Variants in RUNX1T1 observed in about 807,000 individuals in gnomAD.
RUNX1T1 encodes protein CBFA2T1.
Under a neutral mutation model 62.8 loss-of-function variants are expected in RUNX1T1, and 4 were observed. That is an observed-to-expected ratio of 0.06 (90% CI 0.03 to 0.15). The LOEUF is 0.15. RUNX1T1 is among the 10% of genes least tolerant of loss of function. RUNX1T1 has a pLI of 1.00. For synonymous variants in RUNX1T1, 291 were observed against 286.0 expected (o/e 1.02, Z -0.18); for missense variants, 508 against 754.3 (o/e 0.67, Z 3.82).
At chr8:91,996,282 A>C (rs1818658893) in intron 5 of RUNX1T1, among the ~76,000 whole-genome samples, 1 of 151,816 alleles carries the variant, frequency 6.6e-6, no homozygotes, top group Non-Finnish European at 1.5e-5. Context: ...GCTCACTGCA[A>C]GCTCCACCTC....
intron 1 of RUNX1T1, among the ~76,000 whole-genome samples, chr8:92,052,656 T>C (rs1214915523): frequency 6.6e-6 from 1 of 152,216 alleles, no homozygotes; most frequent in Non-Finnish European, 1.5e-5. Context: ...CACTTGAATA[T>C]GCTTAAGAAT....
intron 6 of RUNX1T1, among the ~76,000 whole-genome samples, chr8:91,991,209 A>AT (rs35486685): frequency 0.26 from 40,156 of 152,034 alleles, 6,032 homozygotes; most frequent in African/African-American, 0.41. Context: ...GGCTCAAAAA[A>AT]ATCAAAATAA....
upstream of RUNX1T1, among the ~76,000 whole-genome samples, chr8:92,066,739 TTGTC>T (rs759558754): frequency 6.6e-6 from 1 of 152,210 alleles, no homozygotes; most frequent in African/African-American, 2.4e-5. Flanking sequence ...CAATTATACT[TTGTC>T]TGCAAAAAAA....
intron 1 of RUNX1T1, among the ~76,000 whole-genome samples, chr8:92,050,421 T>A (rs1830054811): frequency 6.6e-6 from 1 of 152,170 alleles, no homozygotes; most frequent in Non-Finnish European, 1.5e-5. Flanking sequence ...TTTATTATGA[T>A]CCCTATGTCA....
chr8:92,052,057 G>C (rs1830333050), intron 1 of RUNX1T1, among the ~76,000 whole-genome samples: 1 of 152,114 alleles, frequency 6.6e-6, no homozygotes, highest in South Asian at 2.1e-4. Context: ...CACAAAGCGT[G>C]TCAGACTACA....
rs576821785 is a variant in RUNX1T1 at position 92,091,379 on chromosome 8, T to C, written c.-86+8201A>G. 2.6e-4 allele frequency among the ~76,000 whole-genome samples: 39 copies of C among 152,346 alleles called. No homozygotes were observed. In the South Asian group the frequency reaches 6.6e-3, roughly 26 times the overall value. On this transcript the variant is annotated intron_variant, in intron 1 of 11. Coordinates refer to the RUNX1T1 transcript ENST00000265814. ...AAAATATTAGTAGTTGTAGGCAACA[T>C]TGACAGTTTTAAGCTCTTTCAAACA...
At chr8:92,069,277 T>C (rs1000154925) in intron 2 of RUNX1T1, among the ~76,000 whole-genome samples, 3 of 152,192 alleles carry the variant, frequency 2.0e-5, no homozygotes, top group African/African-American at 7.2e-5. Flanking sequence ...TTAAACTATT[T>C]TACACAGCAA....
downstream of RUNX1T1, chr8:91,956,053 G>A (rs1376331722): frequency 8.7e-6 from 2 of 229,842 alleles, no homozygotes; most frequent in African/African-American, 4.4e-5. Flanking sequence ...TCTGCCATTC[G>A]GGTATGCACA....
chr8:91,959,169 A>G (rs2130379718), exon 11 of RUNX1T1: 1 of 191,976 alleles, frequency 5.2e-6, no homozygotes, highest in Admixed American at 6.8e-5. Context: ...CACCAAGAGA[A>G]CTACTAGTTT....
chr8:92,070,798 G>A (rs1308830675), intron 2 of RUNX1T1, among the ~76,000 whole-genome samples: 3 of 152,220 alleles, frequency 2.0e-5, no homozygotes, highest in Non-Finnish European at 4.4e-5. Context: ...AGGCACATAT[G>A]TGCATCTAAA....
intron 1 of RUNX1T1, among the ~76,000 whole-genome samples, chr8:92,048,624 C>T (rs1471675994): frequency 6.6e-6 from 1 of 151,608 alleles, no homozygotes; most frequent in Non-Finnish European, 1.5e-5. Context: ...CAGACAGAAC[C>T]ATATATTTGA....
upstream of RUNX1T1, chr8:92,063,049 A>G: frequency 1.3e-6 from 1 of 755,318 alleles, no homozygotes; most frequent in Non-Finnish European, 1.7e-6. Context: ...CCCTCACAAT[A>G]AAAGGCTTCC....
chr8:92,014,808 G>A lies in RUNX1T1; in HGVS notation c.158C>T (p.Thr53Met), dbSNP rs758568072. The change falls in exon 3 of 11, where the codon ACG becomes ATG. Residue 53 changes from threonine to methionine, a missense_variant. Coordinates refer to ENST00000396218, the Ensembl canonical transcript of RUNX1T1. ...ATTCAAGGCTGTAGGAGAATGGCTC[G>A]TGCCATTAGTTACTGTCAAGAGCAC... The A allele has an allele frequency of 5.0e-6, 8 of 1,608,664 alleles. 1 individual carries two copies. The highest frequency in any genetic ancestry group is 2.7e-5 in the African/African-American group (2 of 74,734).
intron 1 of RUNX1T1, among the ~76,000 whole-genome samples, chr8:92,034,025 G>A (rs1302968391): frequency 6.6e-6 from 1 of 151,944 alleles, no homozygotes; most frequent in East Asian, 1.9e-4. Context: ...TTCAGCTTTG[G>A]AGTGAAGGGG....
chr8:91,979,427 G>A (rs1814706630), intron 8 of RUNX1T1, among the ~76,000 whole-genome samples: 1 of 152,082 alleles, frequency 6.6e-6, no homozygotes, highest in African/African-American at 2.4e-5. Flanking sequence ...AATATCAATT[G>A]CTAGAAAAAG....
chr8:92,065,684 T>A (rs530760826), upstream of RUNX1T1, among the ~76,000 whole-genome samples: 18 of 152,358 alleles, frequency 1.2e-4, no homozygotes, highest in South Asian at 3.7e-3. Flanking sequence ...AATACAAATT[T>A]TTCCTCTGTT....
At chr8:92,088,815 T>C (rs982167477) in intron 1 of RUNX1T1, among the ~76,000 whole-genome samples, 3 of 152,240 alleles carry the variant, frequency 2.0e-5, no homozygotes, top group Non-Finnish European at 4.4e-5. Context: ...CACCCATCTC[T>C]TGAGCTTCTT....
At chr8:92,009,598 C>CTTTTT (rs11435747) in intron 4 of RUNX1T1, 1 of 143,072 alleles carries the variant, frequency 7.0e-6, no homozygotes, top group African/African-American at 2.6e-5. Flanking sequence ...TCTTCTTCTT[C>CTTTTT]TTTTTTTTTT....
At chr8:92,089,226 A>C (rs1836596566) in intron 1 of RUNX1T1, among the ~76,000 whole-genome samples, 1 of 152,180 alleles carries the variant, frequency 6.6e-6, no homozygotes, top group Non-Finnish European at 1.5e-5. Flanking sequence ...ATTTATAACC[A>C]CCCAAATTAG....
Sources: allele counts gnomAD v4.1 joint callset (sites outside exome capture counted in the v4.1 genomes callset), GRCh38; gene constraint gnomAD v4.1.1; transcripts MANE v1.5; gene names NCBI Gene and HGNC (gene_info 2026-07-23, HGNC 2026-07-21).